Variants in ZNF208 observed in about 807,000 individuals in gnomAD.
ZNF208 encodes zinc finger protein 95.
A neutral mutation model predicts 12.1 loss-of-function variants in ZNF208; 10 were observed. That is an observed-to-expected ratio of 0.83 (90% confidence interval 0.51 to 1.40). The LOEUF (loss-of-function observed/expected upper bound fraction) is 1.40, where lower values mean the gene tolerates loss of function less well. Among genes scored for constraint, ZNF208 ranks in the 40% most tolerant of loss-of-function variants. ZNF208 has a pLI of 0.00. For missense variants in ZNF208, 1,652 were observed against 1,485.0 expected (o/e 1.11, Z -1.85); for synonymous variants, 497 against 488.4 (o/e 1.02, Z -0.23).
At chr19:22,004,806 T>C (rs1971017765) in intron 1 of ZNF208, among the ~76,000 whole-genome samples, 1 of 152,334 alleles carries the variant, frequency 6.6e-6, no homozygotes, top group African/African-American at 2.4e-5. Context: ...AGTACCTTTT[T>C]GGTGCTATGA....
intron 1 of ZNF208, among the ~76,000 whole-genome samples, chr19:21,995,243 C>A (rs1053433831): frequency 6.6e-6 from 1 of 152,152 alleles, no homozygotes; most frequent in Non-Finnish European, 1.5e-5. Flanking sequence ...TGAGACATTG[C>A]ACCCAGCCTG....
Position 21,971,951 on chromosome 19 carries a change from GGT to G in ZNF208, c.3081_3082del (p.Pro1028LeufsTer4), listed in dbSNP as rs879231457. On this transcript the variant is annotated frameshift_variant, in exon 4 of 4. Transcript: ENST00000397126. LOFTEE classifies it low-confidence loss of function (END_TRUNC). ...TTTGTCACATTCTTCACATTTGTAGGGTGTCTCTCCAGTGTGAATTTTCTTAT... is the reference window on the plus strand; with the variant it reads ...TTTGTCACATTCTTCACATTTGTAGGGTCTCTCCAGTGTGAATTTTCTTAT... 3 of 1,575,932 alleles carry G rather than the reference GGT, an allele frequency of 1.9e-6. No individual in the cohort carries two copies. The highest frequency in any genetic ancestry group is 2.7e-5 in the African/African-American group (2 of 73,062).
In ZNF208 at chr19:21,970,838, G is replaced by A. The variant is rs190118499; in HGVS notation, c.*353C>T. 4 of 1,492,434 alleles carry A rather than the reference G, an allele frequency of 2.7e-6. No homozygotes were observed. In the East Asian group the frequency reaches 6.8e-5, roughly 25 times the overall value. The allele number at this position is 1,492,434 out of a possible 1,614,324, so 92.4% of individuals were successfully genotyped here. A position where few individuals can be genotyped will look rare whatever the true frequency, so the allele number is the denominator to read the frequency against. ...AGACTGAGAACCAGCTGAAGGCTTT[G>A]CCACTTTCTTCACATTTGTAGGGTT... On this transcript the variant is annotated 3_prime_UTR_variant, in exon 4 of 4. Transcript: ENST00000397126.
intron 1 of ZNF208, among the ~76,000 whole-genome samples, chr19:21,989,696 C>T (rs1448055827): frequency 6.6e-6 from 1 of 152,170 alleles, no homozygotes; most frequent in Non-Finnish European, 1.5e-5. Flanking sequence ...TACAGTCCCA[C>T]CAACAGTGTA....
intron 4 of ZNF208, among the ~76,000 whole-genome samples, chr19:21,960,582 C>G (rs561183284): frequency 2.6e-5 from 4 of 152,254 alleles, no homozygotes; most frequent in African/African-American, 9.6e-5. Flanking sequence ...CTTGCAGGGA[C>G]TCTGATGTGT....
At chr19:21,980,339 T>A (rs377490025) in intron 3 of ZNF208, among the ~76,000 whole-genome samples, 244 of 152,166 alleles carry the variant, frequency 1.6e-3, no homozygotes, top group African/African-American at 5.7e-3. Context: ...CCTCAGCAAA[T>A]TTTAAAAAAT....
intron 3 of ZNF208, 129 bp from the exon 4 acceptor site, chr19:21,974,936 A>G (rs1970401136): frequency 8.9e-7 from 1 of 1,120,974 alleles, no homozygotes; most frequent in Non-Finnish European, 1.2e-6. Context: ...ACAGGCCCTA[A>G]TTCTTCATAG....
intron 4 of ZNF208, among the ~76,000 whole-genome samples, chr19:21,954,428 CTG>C (rs751198494): frequency 1.3e-5 from 2 of 152,172 alleles, no homozygotes; most frequent in South Asian, 4.1e-4. Flanking sequence ...AATGTTGAGA[CTG>C]TGGTGGTAAA....
chr19:21,992,167 T>C (rs1013784988), intron 1 of ZNF208, among the ~76,000 whole-genome samples: 25 of 152,122 alleles, frequency 1.6e-4, no homozygotes, highest in African/African-American at 5.3e-4. Context: ...TACTTGATGA[T>C]GAAGAGAAAA....
At chr19:22,008,716 T>C (rs758307497) in intron 1 of ZNF208, among the ~76,000 whole-genome samples, 6 of 152,138 alleles carry the variant, frequency 3.9e-5, no homozygotes, top group Non-Finnish European at 8.8e-5. Context: ...CTCCAAGAAA[T>C]GGAAGCTGCG....
intron 1 of ZNF208, among the ~76,000 whole-genome samples, chr19:21,992,594 T>C (rs1970760912): frequency 6.6e-6 from 1 of 152,188 alleles, no homozygotes; most frequent in Non-Finnish European, 1.5e-5. Flanking sequence ...CTGTCTTCAC[T>C]AAAAACCCCA....
chr19:22,004,402 G>C (rs1971009104), intron 1 of ZNF208, among the ~76,000 whole-genome samples: 1 of 151,854 alleles, frequency 6.6e-6, no homozygotes, highest in African/African-American at 2.4e-5. Context: ...TGTAATCCCA[G>C]CTACTCCAGA....
At chr19:21,981,094 A>C (rs1365099113) in intron 3 of ZNF208, among the ~76,000 whole-genome samples, 2 of 152,134 alleles carry the variant, frequency 1.3e-5, no homozygotes, top group Non-Finnish European at 2.9e-5. Context: ...AAAAATGTCC[A>C]GGACCCGATG....
In ZNF208 at chr19:21,979,852, T is replaced by C. The variant is rs138218868; in HGVS notation, c.227-5045A>G. Among the ~76,000 whole-genome samples, 633 of 152,180 alleles carry C rather than the reference T, an allele frequency of 4.2e-3. 1 individual carries two copies. The highest frequency in any genetic ancestry group is 6.2e-3 in the Non-Finnish European group (420 of 67,994). ...AATCCATCTCACGTGCAAAGACACA[T>C]ATAGGCTCAAAATAAAGTTATGGAG... On this transcript the variant is annotated intron_variant, in intron 3 of 3. Transcript: ENST00000397126.
intron 2 of ZNF208, 54 bp from the exon 3 acceptor site, chr19:21,987,365 A>G: frequency 6.5e-7 from 1 of 1,532,264 alleles, no homozygotes; most frequent in Non-Finnish European, 8.9e-7. Context: ...CCAATTACCA[A>G]CTCAGTAATG....
chr19:21,997,806 A>T (rs961026100), intron 1 of ZNF208: 1 of 152,490 alleles, frequency 6.6e-6, no homozygotes, highest in South Asian at 2.1e-4. Flanking sequence ...ATGAGTCCAG[A>T]TAGAGACAGC....
chr19:21,977,327 C>T (rs576771363), intron 3 of ZNF208, among the ~76,000 whole-genome samples: 34 of 152,316 alleles, frequency 2.2e-4, no homozygotes, highest in African/African-American at 6.7e-4. Flanking sequence ...CAGCTCCCAG[C>T]GCGATCGACA....
intron 1 of ZNF208, among the ~76,000 whole-genome samples, chr19:21,990,080 T>C (rs1016448784): frequency 6.6e-6 from 1 of 152,114 alleles, no homozygotes; most frequent in African/African-American, 2.4e-5. Context: ...AGAAGCTCTT[T>C]AGTTCAATTA....
chr19:21,997,359 A>T (rs1463183874), intron 1 of ZNF208, among the ~76,000 whole-genome samples: 1 of 152,188 alleles, frequency 6.6e-6, no homozygotes, highest in Admixed American at 6.5e-5. Flanking sequence ...TCATGACTGG[A>T]GGTAGTTTTG....
Sources: allele counts gnomAD v4.1 joint callset (sites outside exome capture counted in the v4.1 genomes callset), GRCh38; gene constraint gnomAD v4.1.1; transcripts MANE v1.5; gene names NCBI Gene and HGNC (gene_info 2026-07-23, HGNC 2026-07-21).